The following PCAT7 variants were observed in gnomAD, a reference collection of about 807,000 sequenced individuals.
The protein encoded by PCAT7 is prostate cancer associated transcript 7.
chr9:94,564,017 T>TA (rs956309488), intron 2 of PCAT7, among the ~76,000 whole-genome samples: 32 of 152,252 alleles, frequency 2.1e-4, no homozygotes, highest in Admixed American at 1.8e-3. Context: ...CAAAGAGACT[T>TA]AGACACCCCC....
At chr9:94,568,470 C>T (rs1200677010) in intron 2 of PCAT7, 1 of 152,128 alleles carries the variant, frequency 6.6e-6, no homozygotes, top group Non-Finnish European at 1.5e-5. Context: ...TCATGTCTGT[C>T]TCAGTCACTA....
chr9:94,565,453 A>AT (rs1381884143), intron 2 of PCAT7, among the ~76,000 whole-genome samples: 2 of 151,224 alleles, frequency 1.3e-5, no homozygotes, highest in East Asian at 1.9e-4. Context: ...ATTTTCTTAT[A>AT]TTTTTTGTTG....
At chr9:94,569,583 TTTA>T (rs1336943836) in intron 2 of PCAT7, 1 of 152,226 alleles carries the variant, frequency 6.6e-6, no homozygotes, top group Non-Finnish European at 1.5e-5. Context: ...TTTCCACAGT[TTTA>T]TTAACCTGGA....
intron 2 of PCAT7, among the ~76,000 whole-genome samples, chr9:94,561,692 TC>T (rs1385255672): frequency 5.9e-5 from 9 of 152,090 alleles, no homozygotes; most frequent in Non-Finnish European, 1.3e-4. Flanking sequence ...TGCAATTAAA[TC>T]TACACAGCTA....
At chr9:94,566,032 T>C (rs1827184507) in intron 2 of PCAT7, among the ~76,000 whole-genome samples, 1 of 152,256 alleles carries the variant, frequency 6.6e-6, no homozygotes, top group Admixed American at 6.5e-5. Context: ...AAGTTCACCG[T>C]AGAGTTCTTC....
exon 2 of PCAT7, chr9:94,559,008 A>G: frequency 6.2e-7 from 1 of 1,614,038 alleles, no homozygotes; most frequent in Non-Finnish European, 8.5e-7. Flanking sequence ...CCCCAGAATG[A>G]GGGGGACTCG....
chr9:94,558,641 C>T (rs1257371267), intron 1 of PCAT7: 4 of 353,810 alleles, frequency 1.1e-5, no homozygotes, highest in South Asian at 2.5e-5. Flanking sequence ...AGCATGCAGC[C>T]GCCAATTATG....
intron 1 of PCAT7, chr9:94,558,620 CTT>C: frequency 2.9e-6 from 1 of 339,378 alleles, no homozygotes; most frequent in South Asian, 2.5e-5. Context: ...TCTATGTACT[CTT>C]TGCCCACAAG....
chr9:94,571,655 A>C (rs1587841270), intron 2 of PCAT7: 1 of 1,521,582 alleles, frequency 6.6e-7, no homozygotes, highest in East Asian at 2.3e-5. Flanking sequence ...TGGAGAGAAC[A>C]CTTTGCCAGG....
chr9:94,559,071 G>T (rs374298239), exon 2 of PCAT7: 1 of 1,614,058 alleles, frequency 6.2e-7, no homozygotes, highest in East Asian at 2.2e-5. Context: ...CCCCGTGGTC[G>T]CCAAGCCTCC....
intron 2 of PCAT7, chr9:94,569,828 T>C (rs1444104679): frequency 2.6e-5 from 4 of 152,186 alleles, no homozygotes; most frequent in Non-Finnish European, 5.9e-5. Context: ...CAAAATCAAA[T>C]CACCAGCCCT....
intron 2 of PCAT7, among the ~76,000 whole-genome samples, chr9:94,565,308 G>A (rs1041449933): frequency 1.4e-5 from 2 of 147,628 alleles, no homozygotes; most frequent in Non-Finnish European, 3.0e-5. Context: ...CAGGGAGGCG[G>A]AGGTTGCAGT....
intron 2 of PCAT7, among the ~76,000 whole-genome samples, chr9:94,559,924 T>C (rs112495519): frequency 0.063 from 9,627 of 152,078 alleles, 419 homozygotes; most frequent in South Asian, 0.16. Flanking sequence ...GTCCAGGCAT[T>C]TGAGACCCCA....
chr9:94,563,290 G>C, intron 2 of PCAT7: 2 of 1,592,846 alleles, frequency 1.3e-6, no homozygotes, highest in Non-Finnish European at 1.7e-6. Flanking sequence ...ACGGGAGGGA[G>C]CTCCCCCACC....
chr9:94,560,162 C>T (rs1263035123), intron 2 of PCAT7, among the ~76,000 whole-genome samples: 2 of 152,170 alleles, frequency 1.3e-5, no homozygotes, highest in South Asian at 4.1e-4. Flanking sequence ...CCACTGTTTC[C>T]TGCACGAGGG....
intron 1 of PCAT7, among the ~76,000 whole-genome samples, chr9:94,555,836 G>A (rs1299943270): frequency 6.6e-6 from 1 of 151,768 alleles, no homozygotes; most frequent in Non-Finnish European, 1.5e-5. Context: ...GGAGAAAAGA[G>A]GGTGGCGAGA....
chr9:94,570,715 A>G lies in PCAT7; in HGVS notation n.442-2264A>G, dbSNP rs1198030250. Reference sequence around the variant, plus strand: ...ATGGGCATACAGGTGAAAAGATTCTATTTGAAAAGTTTCTGGGTTTCCATA... The same window carrying G: ...ATGGGCATACAGGTGAAAAGATTCTGTTTGAAAAGTTTCTGGGTTTCCATA... On this transcript the variant is annotated intron_variant and non_coding_transcript_variant, in intron 2 of 8. Transcript: ENST00000647389. 4 of 152,182 alleles carry G rather than the reference A, an allele frequency of 2.6e-5. 1 individual carries two copies. Among genetic ancestry groups the G allele is most frequent in the South Asian group, 4.1e-4 (2 of 4,830 alleles). 9.4% of individuals were successfully genotyped at this position (152,182 alleles called of 1,614,324 possible). A position where few individuals can be genotyped will look rare whatever the true frequency, so the allele number is the denominator to read the frequency against.
chr9:94,563,089 G>A (rs933198802), intron 2 of PCAT7, among the ~76,000 whole-genome samples: 21 of 152,332 alleles, frequency 1.4e-4, no homozygotes, highest in African/African-American at 4.3e-4. Context: ...CATGGTGAAC[G>A]GTGGGTGTGA....
intron 2 of PCAT7, among the ~76,000 whole-genome samples, chr9:94,563,011 C>T (rs540878131): frequency 6.6e-6 from 1 of 152,156 alleles, no homozygotes; most frequent in Non-Finnish European, 1.5e-5. Context: ...GGACCATCAT[C>T]CCAGATCAGC....
Sources: gnomAD v4.1 joint callset for allele counts (sites outside exome capture counted in the v4.1 genomes callset) on GRCh38, gnomAD v4.1.1 for gene constraint, MANE v1.5 for transcripts, NCBI Gene and HGNC (gene_info 2026-07-23, HGNC 2026-07-21) for gene names.